SLMAP: variants seen among roughly 807,000 people sequenced by gnomAD.
SLMAP encodes sarcolemmal membrane-associated protein.
A neutral mutation model predicts 128.8 loss-of-function variants in SLMAP; 44 were observed. The ratio of observed to expected loss-of-function variants is 0.34; its 90% confidence interval spans 0.27 to 0.44. The LOEUF is 0.44. SLMAP is among the 20% of genes least tolerant of loss of function. The pLI, the probability that SLMAP is intolerant of heterozygous loss-of-function variation, is 1.00. For synonymous variants in SLMAP, 327 were observed against 348.8 expected, an observed-to-expected ratio of 0.94 and a Z score of 0.70; for missense variants, 787 against 985.3, an observed-to-expected ratio of 0.80 and a Z score of 2.69.
At chr3:57,770,804 TTTTC>T (rs1253052092) in intron 2 of SLMAP, among the ~76,000 whole-genome samples, 7 of 152,280 alleles carry the variant, frequency 4.6e-5, no homozygotes, top group African/African-American at 1.7e-4. Context: ...CTGTTAGAAT[TTTTC>T]TTTCTTTTTT....
At position 57,865,271 on chromosome 3, in the gene SLMAP, A is replaced by T; in HGVS notation, c.1216A>T (p.Ile406Leu). 6.7e-7 allele frequency: 1 copy of T among 1,481,872 alleles called. No homozygotes were observed. The allele number at this position is 1,481,872 out of a possible 1,614,324, so 91.8% of individuals were successfully genotyped here. A position where few individuals can be genotyped will look rare whatever the true frequency, so the allele number is the denominator to read the frequency against. Reference protein sequence around the residue: ...GIQVDDFLPKINGSTEKEHLL... With the variant: ...GIQVDDFLPKLNGSTEKEHLL... ...ACAAGTTGATGACTTCTTACCTAAA[A>T]TAAATGGGAGCACAGAAAAAGGTAG... The change falls in exon 13 of 25, where the codon ATA becomes TTA. Residue 406 changes from isoleucine to leucine, a missense_variant. This residue lies in a region of SLMAP where 715 missense variants were observed against 843.6 expected (regional missense o/e 0.85). Coordinates refer to ENST00000671191, the MANE Select transcript of SLMAP (RefSeq NM_001377540.1).
chr3:57,927,368 C>T lies in SLMAP; in HGVS notation c.*79C>T. The T allele has an allele frequency of 1.3e-6, 2 of 1,586,376 alleles. No homozygotes were observed. The highest frequency in any genetic ancestry group is 2.7e-5 in the African/African-American group (2 of 74,650). On this transcript the variant is annotated 3_prime_UTR_variant, in exon 25 of 25. Coordinates refer to ENST00000671191, the MANE Select transcript of SLMAP (RefSeq NM_001377540.1). ...AGCCATCGTGCTGTACGTGCCAGGTCTGGCCAGAGCTTCTCCATGAGAGCG... is the reference window on the plus strand; with the variant it reads ...AGCCATCGTGCTGTACGTGCCAGGTTTGGCCAGAGCTTCTCCATGAGAGCG...
chr3:57,914,815 C>CA (rs1330792560), intron 21 of SLMAP, among the ~76,000 whole-genome samples: 1 of 151,380 alleles, frequency 6.6e-6, no homozygotes, highest in African/African-American at 2.4e-5. Context: ...CTCCTGACCT[C>CA]AGGTGATCTG....
At chr3:57,922,366 T>G (rs1001249059) in intron 22 of SLMAP, among the ~76,000 whole-genome samples, 18 of 152,132 alleles carry the variant, frequency 1.2e-4, no homozygotes, top group African/African-American at 4.1e-4. Flanking sequence ...CTCTTAATTT[T>G]TTTTAACTCC....
chr3:57,791,814 C>A (rs1008963107), intron 2 of SLMAP, among the ~76,000 whole-genome samples: 6 of 151,958 alleles, frequency 3.9e-5, no homozygotes, highest in Non-Finnish European at 2.9e-5. Context: ...GAAACTGATT[C>A]ATTAATTTTA....
intron 2 of SLMAP, among the ~76,000 whole-genome samples, chr3:57,778,020 AT>A (rs1263066573): frequency 1.3e-5 from 2 of 152,060 alleles, no homozygotes; most frequent in Non-Finnish European, 2.9e-5. Flanking sequence ...GCTGGATTTG[AT>A]TTGCTTATAT....
chr3:57,906,666 GAAAA>G (rs1206959758), intron 17 of SLMAP, among the ~76,000 whole-genome samples: 4 of 24,724 alleles, frequency 1.6e-4, no homozygotes, highest in African/African-American at 4.1e-4. Context: ...CTATGAATAT[GAAAA>G]AAAAATATAT....
At chr3:57,869,179 G>A (rs1198143488) in intron 13 of SLMAP, among the ~76,000 whole-genome samples, 1 of 150,438 alleles carries the variant, frequency 6.6e-6, no homozygotes, top group African/African-American at 2.4e-5. Flanking sequence ...CTTGGAGTCT[G>A]ATGTTCGAGG....
At chr3:57,790,738 G>C (rs1453383639) in intron 2 of SLMAP, among the ~76,000 whole-genome samples, 6 of 152,066 alleles carry the variant, frequency 3.9e-5, no homozygotes, top group Non-Finnish European at 8.8e-5. Flanking sequence ...TATAAAATAA[G>C]GTCATGTATA....
chr3:57,927,935 T>A lies in SLMAP; in HGVS notation c.*646T>A, dbSNP rs1286604978. The A allele has an allele frequency of 6.6e-6, 1 of 152,438 alleles. No individual in the cohort carries two copies. The highest frequency in any genetic ancestry group is 1.5e-5 in the Non-Finnish European group (1 of 68,006). 9.4% of individuals were successfully genotyped at this position (152,438 alleles called of 1,614,324 possible). A position where few individuals can be genotyped will look rare whatever the true frequency, so the allele number is the denominator to read the frequency against. On this transcript the variant is annotated 3_prime_UTR_variant, in exon 25 of 25. Transcript: ENST00000671191. ...GGAACAAGACTTAGAGACAACTATTTGCGTGGATTTTTTTTTTTTTAAGGA... is the reference window on the plus strand; with the variant it reads ...GGAACAAGACTTAGAGACAACTATTAGCGTGGATTTTTTTTTTTTTAAGGA...
rs914851276 is a variant in SLMAP at position 57,884,895 on chromosome 3, G to T, written c.1301-5146G>T. ...GGTGTAATAAGCCCTGCAAATGCAT[G>T]TAAGACTTTGTCAGCTTCTTATTGC... On this transcript the variant is annotated intron_variant, in intron 14 of 24. Coordinates refer to ENST00000671191, the MANE Select transcript of SLMAP (RefSeq NM_001377540.1). Among the ~76,000 whole-genome samples the T allele has an allele frequency of 2.0e-5, 3 of 152,164 alleles. No homozygotes were observed. The South Asian group carries it at 6.2e-4, about 32-fold the overall frequency.
chr3:57,908,820 A>T (rs1576207582), intron 18 of SLMAP, among the ~76,000 whole-genome samples: 2 of 152,230 alleles, frequency 1.3e-5, no homozygotes, highest in South Asian at 4.1e-4. Flanking sequence ...TCATGTTAAG[A>T]AAAGCACATA....
chr3:57,770,093 A>C (rs2080526726), intron 2 of SLMAP, among the ~76,000 whole-genome samples: 1 of 152,252 alleles, frequency 6.6e-6, no homozygotes. Context: ...TATTCATTTA[A>C]ATTGTAGCTG....
At chr3:57,880,108 T>C (rs895422083) in intron 14 of SLMAP, among the ~76,000 whole-genome samples, 3 of 152,120 alleles carry the variant, frequency 2.0e-5, no homozygotes, top group Non-Finnish European at 4.4e-5. Context: ...CACATAGATA[T>C]TTGCTTTATG....
intron 16 of SLMAP, 75 bp from the exon 17 acceptor site, chr3:57,896,798 G>T (rs555553171): frequency 3.1e-4 from 468 of 1,487,622 alleles, no homozygotes; most frequent in Non-Finnish European, 4.0e-4. Flanking sequence ...CCAATTGTTT[G>T]TTTTGATAAC....
intron 14 of SLMAP, among the ~76,000 whole-genome samples, chr3:57,889,321 G>A (rs1397449183): frequency 6.6e-6 from 1 of 152,244 alleles, no homozygotes; most frequent in Non-Finnish European, 1.5e-5. Context: ...TTCAATGGTT[G>A]AGTGGTGGAT....
At chr3:57,787,512 T>C (rs1395515330) in intron 2 of SLMAP, among the ~76,000 whole-genome samples, 1 of 152,240 alleles carries the variant, frequency 6.6e-6, no homozygotes, top group Non-Finnish European at 1.5e-5. Flanking sequence ...AGTCTCACTC[T>C]GTCGCCCAGG....
chr3:57,837,973 CTG>C (rs2093718956), intron 3 of SLMAP, among the ~76,000 whole-genome samples: 1 of 152,172 alleles, frequency 6.6e-6, no homozygotes, highest in Admixed American at 6.5e-5. Context: ...TTGCCTTCAA[CTG>C]TGCAGCAACT....
At chr3:57,797,183 TAAA>T (rs35969510) in intron 2 of SLMAP, among the ~76,000 whole-genome samples, 5 of 102,692 alleles carry the variant, frequency 4.9e-5, no homozygotes, top group Admixed American at 1.1e-4. Flanking sequence ...TCCTGTATCT[TAAA>T]AAAAAAAAAA....
Sources: allele counts gnomAD v4.1 joint callset (sites outside exome capture counted in the v4.1 genomes callset), GRCh38; gene constraint gnomAD v4.1.1; regional missense constraint gnomAD v4.1.1; transcripts MANE v1.5; gene names NCBI Gene and HGNC (gene_info 2026-07-23, HGNC 2026-07-21).